Variants in EOMES observed in about 807,000 individuals in gnomAD.
EOMES encodes the protein eomesodermin.
Under a neutral mutation model 61.0 loss-of-function variants are expected in EOMES, and 18 were observed. The ratio of observed to expected loss-of-function variants is 0.30; its 90% CI spans 0.20 to 0.44. The LOEUF is 0.44. Among genes scored for constraint, EOMES ranks in the 20% least tolerant of loss-of-function variants. The probability of loss-of-function intolerance (pLI) is 1.00; values close to 1 mark genes in which losing one functional copy is unlikely to be tolerated. For synonymous variants in EOMES, 430 were observed against 394.0 expected (o/e 1.09, Z -1.08); for missense variants, 885 against 939.2 (o/e 0.94, Z 0.75).
rs1329907078 is a variant in EOMES at position 27,721,419 on chromosome 3, C to G, written c.876G>C (p.Gln292His). The G allele has an allele frequency of 1.2e-6, 2 of 1,611,482 alleles. No homozygotes were observed. Among genetic ancestry groups the G allele is most frequent in the South Asian group, 2.2e-5 (2 of 90,392 alleles). The change falls in exon 1 of 6, where the codon CAG becomes CAC. Residue 292 changes from glutamine to histidine, a missense_variant. Transcript: ENST00000449599. This position sits in a 1 kb window ranked among gnomAD's most constrained non-coding sequence, Gnocchi z 7.4. ...RHQTEMIITK[Q>H]GRRMFPFLSF... Reference sequence around the variant, plus strand: ...CCCCTCCACGCTGCGCTCACCTGCCCTGTTTCGTAATGATCATCTCAGTTT... The same window carrying G: ...CCCCTCCACGCTGCGCTCACCTGCCGTGTTTCGTAATGATCATCTCAGTTT...
chr3:27,716,898 A>G lies in EOMES; in HGVS notation c.*172T>C. On this transcript the variant is annotated 3_prime_UTR_variant, in exon 6 of 6. Transcript: ENST00000449599. ...TAAAAATGCTAGGTTTGTTTCAGTTACCTGCAGCAATCAAAAAGCTTTGGC... is the reference window on the plus strand; with the variant it reads ...TAAAAATGCTAGGTTTGTTTCAGTTGCCTGCAGCAATCAAAAAGCTTTGGC... The G allele has an allele frequency of 1.7e-6, 1 of 581,280 alleles. No individual in the cohort carries two copies. The highest frequency in any genetic ancestry group is 2.8e-5 in the East Asian group (1 of 36,176). The allele number at this position is 581,280 out of a possible 1,614,324, so 36.0% of individuals were successfully genotyped here.
chr3:27,718,475 TA>T, intron 5 of EOMES, 111 bp downstream of exon 5: 1 of 704,846 alleles, frequency 1.4e-6, no homozygotes, highest in Non-Finnish European at 2.2e-6. Flanking sequence ...GAAAAATATG[TA>T]AAAATCCCAA....
In EOMES at chr3:27,717,488, T is replaced by A. The variant is rs1243942921; in HGVS notation, c.1700A>T (p.Tyr567Phe). The A allele has an allele frequency of 1.9e-6, 3 of 1,614,172 alleles. No homozygotes were observed. The Admixed American group carries it at 5.0e-5, about 27-fold the overall frequency. The change falls in exon 6 of 6, where the codon TAT becomes TTT. Residue 567 changes from tyrosine (Y) to phenylalanine (F), a missense_variant. Tyr to Phe is a conservative substitution (Grantham distance 22, BLOSUM62 3). This residue lies in a region of EOMES where 259 missense variants were observed against 282.3 expected (regional missense o/e 0.92). Coordinates refer to ENST00000449599, the MANE Select transcript of EOMES (RefSeq NM_001278182.2). This position sits in a 1 kb window ranked among gnomAD's most constrained non-coding sequence, Gnocchi z 4.5. ...SEYTSSTLLP[Y>F]GIKSLPLQTS... The stretch of plus-strand genomic sequence containing the variant: ...CTGAAGGGGCAAGGATTTAATGCCA[T>A]ATGGGAGCAATGTGCTAGAAGTATA...
intron 3 of EOMES, among the ~76,000 whole-genome samples, chr3:27,719,106 T>A (rs1352106531): frequency 6.6e-6 from 1 of 152,018 alleles, no homozygotes; most frequent in Non-Finnish European, 1.5e-5. Flanking sequence ...GTGATAGATA[T>A]GCTTTCCTCT....
chr3:27,720,994 A>G (rs2125402978), intron 1 of EOMES, among the ~76,000 whole-genome samples: 1 of 152,182 alleles, frequency 6.6e-6, no homozygotes, highest in African/African-American at 2.4e-5. Context: ...GGCGCCTAAA[A>G]CTGCGGGAGC....
chr3:27,717,409 C>T lies in EOMES; in HGVS notation c.1779G>A (p.Gly593=). 1 of 1,614,194 alleles carries T rather than the reference C, an allele frequency of 6.2e-7. No homozygotes were observed. The highest frequency in any genetic ancestry group is 1.1e-5 in the South Asian group (1 of 91,078). The change falls in exon 6 of 6, where the codon GGG becomes GGA. Residue 593 remains glycine, a synonymous_variant. Coordinates refer to ENST00000449599, the MANE Select transcript of EOMES (RefSeq NM_001278182.2). The surrounding 1 kb of genome is among the most constrained non-coding windows in gnomAD (Gnocchi z 4.5). ...YPDPTFPAMA[G]WGGRGSYQRK... ...TCTGGTAAGAACCTCGACCTCCCCACCCTGCCATTGCAGGAAAGGTTGGGT... is the reference window on the plus strand; with the variant it reads ...TCTGGTAAGAACCTCGACCTCCCCATCCTGCCATTGCAGGAAAGGTTGGGT...
rs143745576 is a variant in EOMES, at chr3:27,719,404, A to G, written c.1114T>C (p.Leu372=). ...GCGCCTTTGTTATTGGTGAGTTTTA[A>G]TTTCCCGAATGAAATCTCCTGTCTC... ...WMRQEISFGK[L]KLTNNKGANN... is the part of the protein sequence containing the mutation. The change falls in exon 3 of 6, where the codon TTA becomes CTA. Residue 372 remains leucine (L), a synonymous_variant. Transcript: ENST00000449599. 5.6e-6 allele frequency: 9 copies of G among 1,613,786 alleles called. No homozygotes were observed. The African/African-American group carries it at 1.1e-4, about 19-fold the overall frequency.
At position 27,721,644 on chromosome 3, in the gene EOMES, GCCACTGCCCGCA is replaced by G; in HGVS notation, c.639_650del (p.Ser216_Gly219del). ...CGCCCCCGCCGCTGCTACCGCCCGC[GCCACTGCCCGCA>G]CCGGCTCCTGGGCCGAACTGCGCCC... On this transcript the variant is annotated inframe_deletion, in exon 1 of 6. Coordinates refer to ENST00000449599, the MANE Select transcript of EOMES (RefSeq NM_001278182.2). The surrounding 1 kb of genome is among the most constrained non-coding windows in gnomAD (Gnocchi z 7.4). 6.5e-7 allele frequency: 1 copy of G among 1,540,126 alleles called. No homozygotes were observed. Among genetic ancestry groups the G allele is most frequent in the Non-Finnish European group, 8.7e-7 (1 of 1,146,404 alleles).
At position 27,717,866 on chromosome 3, in the gene EOMES, C is replaced by G; in HGVS notation, c.1380-58G>C. On this transcript the variant is annotated intron_variant, in intron 5 of 5. Coordinates refer to ENST00000449599, the MANE Select transcript of EOMES (RefSeq NM_001278182.2). The surrounding 1 kb of genome is among the most constrained non-coding windows in gnomAD (Gnocchi z 4.5). ...AAAAAACCCTAATGTTGTCCCCAAACAAACCACCTCCCAGAAATGAAAAAG... is the reference window on the plus strand; with the variant it reads ...AAAAAACCCTAATGTTGTCCCCAAAGAAACCACCTCCCAGAAATGAAAAAG... 1 of 1,237,732 alleles carries G rather than the reference C, an allele frequency of 8.1e-7. No individual in the cohort carries two copies. The highest frequency in any genetic ancestry group is 1.1e-6 in the Non-Finnish European group (1 of 914,680). The allele number at this position is 1,237,732 out of a possible 1,614,324, so 76.7% of individuals were successfully genotyped here.
rs1559928388 is a variant in EOMES at position 27,721,637 on chromosome 3, CGCCCGCGCCACT to C, written c.646_657del (p.Ser216_Gly219del). 2 of 1,541,776 alleles carry C rather than the reference CGCCCGCGCCACT, an allele frequency of 1.3e-6. No homozygotes were observed. Among genetic ancestry groups the C allele is most frequent in the East Asian group, 2.4e-5 (1 of 41,044 alleles). On this transcript the variant is annotated inframe_deletion, in exon 1 of 6. Coordinates refer to ENST00000449599, the MANE Select transcript of EOMES (RefSeq NM_001278182.2). The surrounding 1 kb of genome is among the most constrained non-coding windows in gnomAD (Gnocchi z 7.4). The stretch of plus-strand genomic sequence containing the variant: ...GGGCCGCCGCCCCCGCCGCTGCTAC[CGCCCGCGCCACT>C]GCCCGCACCGGCTCCTGGGCCGAAC...
Position 27,722,198 on chromosome 3 carries a change from C to A in EOMES, c.97G>T (p.Ala33Ser), listed in dbSNP as rs2060621853. The A allele has an allele frequency of 6.3e-7, 1 of 1,599,098 alleles. No individual in the cohort carries two copies. ...GGGGCCGCGCTGGGGAGGTGGCCAG[C>A]GCTCCCGCCGCTGCCGCCTCGCGCA... ...ESARGGSGGS[A>S]GHLPSAAPSP... Residue 33 changes from alanine (A) to serine (S), a missense_variant, in exon 1 of 6, where the codon GCT (alanine) becomes TCT (serine). By Grantham distance (99) the Ala-to-Ser change is moderately conservative. Coordinates refer to ENST00000449599, the MANE Select transcript of EOMES (RefSeq NM_001278182.2).
At chr3:27,718,557 C>T (rs889458440) in intron 5 of EOMES, 30 bp downstream of exon 5, 4 of 1,513,802 alleles carry the variant, frequency 2.6e-6, no homozygotes, top group Non-Finnish European at 3.7e-6. Flanking sequence ...CAGAGATGAT[C>T]AGGCAAGTGT....
rs561570432 is a variant in EOMES at position 27,721,686 on chromosome 3, G to A, written c.609C>T (p.Pro203=). The A allele has an allele frequency of 6.4e-4, 965 of 1,518,850 alleles. 1 individual carries two copies. The highest frequency in any genetic ancestry group is 7.9e-4 in the Non-Finnish European group (897 of 1,139,288). The allele number at this position is 1,518,850 out of a possible 1,614,324, so 94.1% of individuals were successfully genotyped here. A position where few individuals can be genotyped will look rare whatever the true frequency, so the allele number is the denominator to read the frequency against. ...CTCCTGGGCCGAACTGCGCCCTCCC[G>A]GGTGGGCACACAGCCGCGGGGAAGC... is the stretch of plus-strand genomic sequence containing the variant. ...PGGFPAAVCP[P]GRAQFGPGAG... Residue 203 remains proline (P), a synonymous_variant, in exon 1 of 6, where the codon CCC becomes CCT. Transcript: ENST00000449599. This position sits in a 1 kb window ranked among gnomAD's most constrained non-coding sequence, Gnocchi z 7.4.
In EOMES at chr3:27,722,221, G is replaced by T. The variant is rs761666223; in HGVS notation, c.74C>A (p.Ala25Glu). ...AGCGCTCCCGCCGCTGCCGCCTCGC[G>T]CACTCTCCAGCGGGTAGAAGTGCGC... is the stretch of plus-strand genomic sequence containing the variant. ...PGAHFYPLESARGGSGGSAGH... is the reference protein window; with the variant it reads ...PGAHFYPLESERGGSGGSAGH... The change falls in exon 1 of 6, where the codon GCG becomes GAG. Residue 25 changes from alanine to glutamate, a missense_variant. By Grantham distance (107) the Ala-to-Glu change is moderately radical. Around this residue, in one of 3 missense-constraint regions of EOMES, gnomAD observed 449 missense variants for 383.6 expected, o/e 1.17. Coordinates refer to ENST00000449599, the MANE Select transcript of EOMES (RefSeq NM_001278182.2). 1 of 1,604,168 alleles carries T rather than the reference G, an allele frequency of 6.2e-7. No homozygotes were observed. Among genetic ancestry groups the T allele is most frequent in the Admixed American group, 1.7e-5 (1 of 58,980 alleles).
Position 27,721,318 on chromosome 3 carries a change from G to T in EOMES, c.881+96C>A, listed in dbSNP as rs1357983904. ...GGTGAAACACTCTAAGCACCGCGCG[G>T]AACAACTGGGTTCAGCTCCCTCATC... is the stretch of plus-strand genomic sequence containing the variant. On this transcript the variant is annotated intron_variant, in intron 1 of 5. Transcript: ENST00000449599. This position sits in a 1 kb window ranked among gnomAD's most constrained non-coding sequence, Gnocchi z 7.4. The T allele has an allele frequency of 7.7e-6, 8 of 1,035,658 alleles. No individual in the cohort carries two copies. The highest frequency in any genetic ancestry group is 1.1e-5 in the Non-Finnish European group (8 of 701,080). The allele number at this position is 1,035,658 out of a possible 1,614,324, so 64.2% of individuals were successfully genotyped here.
intron 1 of EOMES, 70 bp from the exon 2 acceptor site, chr3:27,720,395 C>T (rs943368802): frequency 7.2e-7 from 1 of 1,387,570 alleles, no homozygotes; most frequent in African/African-American, 1.4e-5. Context: ...CAGGCCCCAG[C>T]GGGTTCCCCA....
Position 27,722,250 on chromosome 3 carries a change from A to C in EOMES, c.45T>G (p.Pro15=), listed in dbSNP as rs535243740. 1 of 1,603,866 alleles carries C rather than the reference A, an allele frequency of 6.2e-7. No homozygotes were observed. The highest frequency in any genetic ancestry group is 2.3e-5 in the East Asian group (1 of 43,700). Residue 15 remains proline (P), a synonymous_variant, in exon 1 of 6, where the codon CCT becomes CCG. Coordinates refer to ENST00000449599, the MANE Select transcript of EOMES (RefSeq NM_001278182.2). ...EQLLVSSVNL[P]GAHFYPLESA... ...TCTCCAGCGGGTAGAAGTGCGCGCC[A>C]GGCAGGTTCACTGAGCTCACCAAGA...
chr3:27,722,013 T>G lies in EOMES; in HGVS notation c.282A>C (p.Ala94=). The change falls in exon 1 of 6, where the codon GCA becomes GCC. Residue 94 remains alanine (A), a synonymous_variant. Coordinates refer to ENST00000449599, the MANE Select transcript of EOMES (RefSeq NM_001278182.2). ...DAGDAFASAA[A]VAKPGPPDGR... is the part of the protein sequence containing the mutation. ...CGTCCGGGGGCCCCGGCTTGGCCAC[T>G]GCCGCAGCGCTGGCAAATGCGTCCC... 1 of 1,513,972 alleles carries G rather than the reference T, an allele frequency of 6.6e-7. No individual in the cohort carries two copies. The highest frequency in any genetic ancestry group is 1.4e-5 in the African/African-American group (1 of 69,358). The allele number at this position is 1,513,972 out of a possible 1,614,324, so 93.8% of individuals were successfully genotyped here.
Position 27,720,074 on chromosome 3 carries a change from A to G in EOMES, c.1036+97T>C, listed in dbSNP as rs543659893. The G allele has an allele frequency of 9.6e-6, 12 of 1,253,928 alleles. No individual in the cohort carries two copies. In the African/African-American group the frequency reaches 1.7e-4, roughly 17 times the overall value. 77.7% of individuals were successfully genotyped at this position (1,253,928 alleles called of 1,614,324 possible). On this transcript the variant is annotated intron_variant, in intron 2 of 5. Coordinates refer to ENST00000449599, the MANE Select transcript of EOMES (RefSeq NM_001278182.2). The stretch of plus-strand genomic sequence containing the variant: ...CTCTAGGCCTCAGAATGGAAGGGGA[A>G]AAAAAAAGTGCTACATTTAAATGTG...
Sources: allele counts gnomAD v4.1 joint callset (sites outside exome capture counted in the v4.1 genomes callset), GRCh38; gene constraint gnomAD v4.1.1; regional missense constraint gnomAD v4.1.1; non-coding constraint Gnocchi (gnomAD v3.1); transcripts MANE v1.5; gene names NCBI Gene and HGNC (gene_info 2026-07-23, HGNC 2026-07-21).